The following HEMK2 variants were observed in gnomAD, a reference collection of about 807,000 sequenced individuals.
The protein encoded by HEMK2 is HemK methyltransferase 2, ETF1 glutamine and histone H4 lysine, also known as methyltransferase HEMK2.
At chr21:28,764,602 C>A in the HEMK2 span, among the ~76,000 whole-genome samples, 1 of 152,130 alleles carries the variant, frequency 6.6e-6, no homozygotes, top group Non-Finnish European at 1.5e-5. Flanking sequence ...CTATCAGTTG[C>A]ACTCAGCATC....
At chr21:28,841,395 T>TTATATATAATATATATATTA in the HEMK2 span, among the ~76,000 whole-genome samples, 6 of 32,444 alleles carry the variant, frequency 1.8e-4, no homozygotes, top group African/African-American at 1.5e-3. Flanking sequence ...ATATAAAATA[T>TTATATATAATATATATATTA]TATATATATA....
At chr21:28,788,736 T>C in the HEMK2 span, among the ~76,000 whole-genome samples, 5 of 151,168 alleles carry the variant, frequency 3.3e-5, no homozygotes, top group Non-Finnish European at 7.4e-5. Context: ...AATGCCACTG[T>C]CCTGGGTTGA....
chr21:28,831,030 T>A, the HEMK2 span, among the ~76,000 whole-genome samples: 1 of 152,172 alleles, frequency 6.6e-6, no homozygotes. Context: ...CTTTGTAGAT[T>A]TATGAGCCCA....
the HEMK2 span, among the ~76,000 whole-genome samples, chr21:28,784,963 C>T: frequency 6.6e-6 from 1 of 152,184 alleles, no homozygotes; most frequent in Non-Finnish European, 1.5e-5. Flanking sequence ...CGAAGATCTG[C>T]GGCTTCACTC....
At chr21:28,737,416 C>T in the HEMK2 span, among the ~76,000 whole-genome samples, 4 of 152,258 alleles carry the variant, frequency 2.6e-5, no homozygotes, top group East Asian at 7.7e-4. Context: ...TGAGCCACCA[C>T]GCCCAATCCC....
chr21:28,879,901 T>A, the HEMK2 span: 14 of 1,599,736 alleles, frequency 8.8e-6, no homozygotes, highest in Admixed American at 5.1e-5. Context: ...ATAGGGGGGA[T>A]TAAACACCAG....
the HEMK2 span, among the ~76,000 whole-genome samples, chr21:28,870,812 G>A: frequency 6.6e-6 from 1 of 152,146 alleles, no homozygotes; most frequent in Admixed American, 6.5e-5. Context: ...ACACTTTATA[G>A]TCAGAGAAGA....
the HEMK2 span, among the ~76,000 whole-genome samples, chr21:28,828,903 TAC>T: frequency 6.6e-6 from 1 of 152,186 alleles, no homozygotes; most frequent in South Asian, 2.1e-4. Flanking sequence ...AAACTATATA[TAC>T]AGTGATTATT....
chr21:28,862,233 C>A, the HEMK2 span, among the ~76,000 whole-genome samples: 168 of 152,290 alleles, frequency 1.1e-3, no homozygotes, highest in African/African-American at 3.8e-3. Context: ...CCAGGCAGGA[C>A]TACAAATGAC....
the HEMK2 span, among the ~76,000 whole-genome samples, chr21:28,637,171 C>T: frequency 6.6e-6 from 1 of 152,148 alleles, no homozygotes; most frequent in Non-Finnish European, 1.5e-5. Flanking sequence ...CATAGACTGA[C>T]TCAGCCTTGC....
At chr21:28,618,355 AT>A in the HEMK2 span, among the ~76,000 whole-genome samples, 1 of 152,080 alleles carries the variant, frequency 6.6e-6, no homozygotes, top group African/African-American at 2.4e-5. Context: ...TACAAAAGGA[AT>A]TTTCTGGCCT....
At chr21:28,594,577 A>C in the HEMK2 span, among the ~76,000 whole-genome samples, 1 of 152,320 alleles carries the variant, frequency 6.6e-6, no homozygotes, top group East Asian at 1.9e-4. Context: ...TTTATATATG[A>C]AATTCCTATT....
At chr21:28,824,833 A>G in the HEMK2 span, among the ~76,000 whole-genome samples, 1 of 152,142 alleles carries the variant, frequency 6.6e-6, no homozygotes, top group Admixed American at 6.6e-5. Flanking sequence ...TCCTCCTTCT[A>G]TTTCTCCATT....
the HEMK2 span, among the ~76,000 whole-genome samples, chr21:28,834,745 G>A: frequency 6.6e-6 from 1 of 152,144 alleles, no homozygotes; most frequent in Non-Finnish European, 1.5e-5. Flanking sequence ...GGTAGACTGA[G>A]GCAGGTTTTC....
chr21:28,805,137 C>T, the HEMK2 span, among the ~76,000 whole-genome samples: 1 of 152,134 alleles, frequency 6.6e-6, no homozygotes, highest in African/African-American at 2.4e-5. Flanking sequence ...TATCAGGGCA[C>T]CCAGATGACA....
At chr21:28,688,158 A>G in the HEMK2 span, among the ~76,000 whole-genome samples, 1 of 152,238 alleles carries the variant, frequency 6.6e-6, no homozygotes, top group Non-Finnish European at 1.5e-5. Context: ...CAAATGAAGG[A>G]AACCTCTCTC....
chr21:28,777,089 C>G, the HEMK2 span, among the ~76,000 whole-genome samples: 33 of 152,282 alleles, frequency 2.2e-4, no homozygotes, highest in South Asian at 8.3e-4. Flanking sequence ...TGTGTTCATT[C>G]AGTTTTCCTT....
At chr21:28,593,183 C>A in the HEMK2 span, among the ~76,000 whole-genome samples, 1 of 151,996 alleles carries the variant, frequency 6.6e-6, no homozygotes, top group South Asian at 2.1e-4. Context: ...GGTGACAGAG[C>A]AAGACTTTGT....
the HEMK2 span, among the ~76,000 whole-genome samples, chr21:28,607,441 CAATA>C: frequency 6.6e-6 from 1 of 151,964 alleles, no homozygotes; most frequent in African/African-American, 2.4e-5. Context: ...ATACATACAT[CAATA>C]AATAAATAAA....
Sources: allele counts gnomAD v4.1 joint callset (sites outside exome capture counted in the v4.1 genomes callset), GRCh38; gene constraint gnomAD v4.1.1; transcripts MANE v1.5; gene names NCBI Gene and HGNC (gene_info 2026-07-23, HGNC 2026-07-21).